SGCZ: variants seen among roughly 807,000 people sequenced by gnomAD.
The protein encoded by SGCZ is sarcoglycan zeta.
Under a neutral mutation model 41.3 loss-of-function variants are expected in SGCZ, and 40 were observed. That is an observed-to-expected ratio of 0.97 (90% CI 0.75 to 1.26). The LOEUF is 1.26. Ranked by LOEUF, SGCZ falls within the 50% of genes most tolerant of loss-of-function variation. SGCZ has a pLI of 0.00. For synonymous variants in SGCZ, 206 were observed against 137.5 expected (o/e 1.50, Z -3.49); for missense variants, 552 against 369.8 (o/e 1.49, Z -4.04).
At chr8:14,262,100 CAT>C (rs1307155476) in intron 3 of SGCZ, among the ~76,000 whole-genome samples, 2 of 152,144 alleles carry the variant, frequency 1.3e-5, no homozygotes, top group Admixed American at 6.5e-5. Context: ...TGCATGATCA[CAT>C]GAGTATCAAT....
At chr8:14,514,809 GTGTGTA>G (rs367897947) in intron 2 of SGCZ, among the ~76,000 whole-genome samples, 12,615 of 67,744 alleles carry the variant, frequency 0.19, 597 homozygotes, top group Middle Eastern at 0.21. Context: ...GTGTGTGTGT[GTGTGTA>G]TATATACACG....
chr8:14,744,883 C>A (rs377532833), intron 1 of SGCZ, among the ~76,000 whole-genome samples: 14 of 152,124 alleles, frequency 9.2e-5, no homozygotes, highest in African/African-American at 3.1e-4. Context: ...TCCAGCTTTT[C>A]ATTTTATAAC....
chr8:15,221,652 T>C (rs187497428), intron 1 of SGCZ, among the ~76,000 whole-genome samples: 3 of 152,268 alleles, frequency 2.0e-5, no homozygotes, highest in East Asian at 1.9e-4. Flanking sequence ...TGTTATGCAG[T>C]AGGAAGAATC....
At chr8:14,764,176 T>C (rs916457491) in intron 1 of SGCZ, among the ~76,000 whole-genome samples, 1 of 152,160 alleles carries the variant, frequency 6.6e-6, no homozygotes. Flanking sequence ...AGACTGAGAT[T>C]TTTGTAAAAA....
intron 1 of SGCZ, among the ~76,000 whole-genome samples, chr8:15,226,189 A>C (rs541724711): frequency 1.3e-3 from 195 of 151,920 alleles, no homozygotes; most frequent in Non-Finnish European, 2.5e-3. Flanking sequence ...CTACCTACCT[A>C]CCTCCCTACT....
At chr8:14,461,574 C>T (rs576775407) in intron 2 of SGCZ, among the ~76,000 whole-genome samples, 2 of 152,098 alleles carry the variant, frequency 1.3e-5, no homozygotes, top group South Asian at 2.1e-4. Context: ...CTGACCTAGA[C>T]GAATCAGTAT....
At chr8:14,323,511 T>C (rs990497459) in intron 3 of SGCZ, among the ~76,000 whole-genome samples, 13 of 152,212 alleles carry the variant, frequency 8.5e-5, no homozygotes, top group African/African-American at 2.6e-4. Flanking sequence ...TGAGAGGTAA[T>C]GTACATAAGC....
chr8:14,647,307 C>T (rs77206306), intron 1 of SGCZ, among the ~76,000 whole-genome samples: 16,754 of 151,876 alleles, frequency 0.11, 1,098 homozygotes, highest in African/African-American at 0.19. Flanking sequence ...GACATCATTG[C>T]TTTACTGATA....
intron 2 of SGCZ, among the ~76,000 whole-genome samples, chr8:14,533,537 T>C (rs1310550190): frequency 6.6e-6 from 1 of 151,964 alleles, no homozygotes; most frequent in Non-Finnish European, 1.5e-5. Flanking sequence ...TTTAGATATA[T>C]TCTAAATGTG....
At chr8:14,606,694 T>C (rs958946417) in intron 1 of SGCZ, among the ~76,000 whole-genome samples, 12 of 152,226 alleles carry the variant, frequency 7.9e-5, no homozygotes, top group Non-Finnish European at 2.9e-5. Flanking sequence ...ACAGGTATTT[T>C]GTTCACCACA....
chr8:14,868,108 C>T (rs925850827), intron 1 of SGCZ, among the ~76,000 whole-genome samples: 5 of 152,082 alleles, frequency 3.3e-5, no homozygotes, highest in East Asian at 1.9e-4. Context: ...TAAGCCTCTG[C>T]GTTCGCTGTT....
chr8:14,341,287 C>A (rs1014727324), intron 2 of SGCZ, among the ~76,000 whole-genome samples: 2 of 152,190 alleles, frequency 1.3e-5, no homozygotes, highest in Non-Finnish European at 2.9e-5. Context: ...AGTATATATC[C>A]GAAAGCAGAT....
At chr8:15,122,647 T>C (rs2116954308) in intron 1 of SGCZ, among the ~76,000 whole-genome samples, 1 of 152,316 alleles carries the variant, frequency 6.6e-6, no homozygotes, top group Middle Eastern at 3.4e-3. Context: ...CCATGTTAGA[T>C]GCCTTATTGA....
In SGCZ at chr8:15,159,753, C is replaced by CG. The variant is rs1554468762; in HGVS notation, c.39+77831_39+77832insC. On this transcript the variant is annotated intron_variant, in intron 1 of 7. Transcript: ENST00000382080. Reference sequence around the variant, plus strand: ...CCCGCCCCCCCCACCCTCCCCCCCACCCCCGCCACACACACACAGATGGTG... The same window carrying CG: ...CCCGCCCCCCCCACCCTCCCCCCCACGCCCCGCCACACACACACAGATGGTG... Among the ~76,000 whole-genome samples, 15 of 35,256 alleles carry CG rather than the reference C, an allele frequency of 4.3e-4. 2 individuals are homozygous for CG. The highest frequency in any genetic ancestry group is 1.3e-3 in the African/African-American group (15 of 11,306). The allele number at this position is 35,256 out of a possible 152,430, so 23.1% of individuals were successfully genotyped here. A position where few individuals can be genotyped will look rare whatever the true frequency, so the allele number is the denominator to read the frequency against.
rs571479303 is a variant in SGCZ, at chr8:14,164,483, T to G, written c.547+97A>C. 324 of 1,434,248 alleles carry G rather than the reference T, an allele frequency of 2.3e-4. 6 individuals carry two copies. In the South Asian group the frequency reaches 3.9e-3, roughly 17 times the overall value. 88.8% of individuals were successfully genotyped at this position (1,434,248 alleles called of 1,614,324 possible). On this transcript the variant is annotated intron_variant, in intron 5 of 7. Coordinates refer to ENST00000382080, the MANE Select transcript of SGCZ (RefSeq NM_139167.4). ...GTTGTGATTATGTAAGACTCTACTT[T>G]AGGCATAGGAATCATCCATCTTATT...
chr8:14,773,190 A>AT (rs1211428836), intron 1 of SGCZ, among the ~76,000 whole-genome samples: 2 of 152,044 alleles, frequency 1.3e-5, no homozygotes, highest in Non-Finnish European at 2.9e-5. Flanking sequence ...GATGATGAGC[A>AT]TTTTTTCATG....
At chr8:15,163,883 G>A (rs373440880) in intron 1 of SGCZ, among the ~76,000 whole-genome samples, 8 of 152,318 alleles carry the variant, frequency 5.3e-5, no homozygotes, top group African/African-American at 1.9e-4. Context: ...ACAGCCAGGT[G>A]GGAGGGTGTC....
intron 1 of SGCZ, among the ~76,000 whole-genome samples, chr8:14,776,941 G>C (rs1006074658): frequency 3.3e-5 from 5 of 152,186 alleles, no homozygotes; most frequent in Admixed American, 1.3e-4. Flanking sequence ...CATGGTAAAA[G>C]ACAATGGAAT....
At chr8:14,524,391 G>C (rs1253940650) in intron 2 of SGCZ, among the ~76,000 whole-genome samples, 1 of 151,934 alleles carries the variant, frequency 6.6e-6, no homozygotes, top group Non-Finnish European at 1.5e-5. Flanking sequence ...TAGGTCTCCA[G>C]TGACAGCTTC....
Sources: allele counts gnomAD v4.1 joint callset (sites outside exome capture counted in the v4.1 genomes callset), GRCh38; gene constraint gnomAD v4.1.1; transcripts MANE v1.5; gene names NCBI Gene and HGNC (gene_info 2026-07-23, HGNC 2026-07-21).